Variants in CHODL observed in about 807,000 individuals in gnomAD.
CHODL encodes the protein transmembrane protein MT75.
In CHODL, 29 loss-of-function variants were observed where a neutral mutation model predicts 34.5. The observed-to-expected ratio is 0.84, with a 90% CI of 0.63 to 1.15. The LOEUF is 1.15. Ranked by LOEUF, CHODL falls within the 50% of genes most tolerant of loss-of-function variation. The pLI is 0.00. For missense variants in CHODL, 332 were observed against 332.5 expected (o/e 1.00, Z 0.01); for synonymous variants, 125 against 116.1 (o/e 1.08, Z -0.49).
chr21:17,925,418 G>C (rs1180939318), intron 1 of CHODL, among the ~76,000 whole-genome samples: 1 of 151,950 alleles, frequency 6.6e-6, no homozygotes, highest in Non-Finnish European at 1.5e-5. Context: ...TTCATGCTGA[G>C]TGTAAATTTG....
In CHODL at chr21:18,158,976, C is replaced by T. The variant is rs1472179925; in HGVS notation, c.-44-97533C>T. Among the ~76,000 whole-genome samples, 3 of 152,016 alleles carry T rather than the reference C, an allele frequency of 2.0e-5. No individual in the cohort carries two copies. The East Asian group carries it at 5.8e-4, about 29-fold the overall frequency. On this transcript the variant is annotated intron_variant, in intron 2 of 6. Transcript: ENST00000400127. ...CACAAGTAGATTCGGTTTTTACCAA[C>T]ATTTGACAGCACTTTCTGGTTTTTG...
chr21:18,032,815 G>T lies in CHODL; in HGVS notation c.-45+4844G>T, dbSNP rs541404608. On this transcript the variant is annotated intron_variant, in intron 2 of 6. Coordinates refer to the CHODL transcript ENST00000400127. ...GTAGTTTCACTCTATTGTTCACCTG[G>T]TGCTGATAGAACCTGGAAAGCAGTT... Among the ~76,000 whole-genome samples, 4 of 152,038 alleles carry T rather than the reference G, an allele frequency of 2.6e-5. No homozygotes were observed. In the South Asian group the frequency reaches 8.3e-4, roughly 31 times the overall value.
intron 1 of CHODL, among the ~76,000 whole-genome samples, chr21:17,957,320 T>C (rs917611961): frequency 2.6e-5 from 4 of 152,182 alleles, no homozygotes; most frequent in African/African-American, 9.7e-5. Context: ...AAATGAACAT[T>C]GGATTATATA....
At chr21:17,949,357 T>C (rs1460287645) in intron 1 of CHODL, among the ~76,000 whole-genome samples, 1 of 152,200 alleles carries the variant, frequency 6.6e-6, no homozygotes, top group Non-Finnish European at 1.5e-5. Context: ...TTTTCAGTTT[T>C]AAGTTACATG....
intron 2 of CHODL, among the ~76,000 whole-genome samples, chr21:18,120,985 G>A (rs889308928): frequency 4.0e-5 from 6 of 151,822 alleles, no homozygotes; most frequent in African/African-American, 1.2e-4. Context: ...TATAAGGCTC[G>A]GATTGCATTT....
intron 2 of CHODL, among the ~76,000 whole-genome samples, chr21:18,071,781 C>T (rs1200602284): frequency 6.6e-6 from 1 of 152,074 alleles, no homozygotes; most frequent in African/African-American, 2.4e-5. Context: ...ATAAATCATA[C>T]ATGCCTATAT....
chr21:18,175,686 C>T (rs2073299734), intron 2 of CHODL, among the ~76,000 whole-genome samples: 1 of 151,698 alleles, frequency 6.6e-6, no homozygotes. Flanking sequence ...AAATGGAATA[C>T]AGCTTGTAAC....
At chr21:17,945,543 A>C (rs1325274139) in intron 1 of CHODL, among the ~76,000 whole-genome samples, 1 of 152,198 alleles carries the variant, frequency 6.6e-6, no homozygotes, top group Non-Finnish European at 1.5e-5. Flanking sequence ...AGAACATTGA[A>C]ATTTTTCAGT....
chr21:18,081,911 T>C lies in CHODL; in HGVS notation c.-45+53940T>C, dbSNP rs141374151. On this transcript the variant is annotated intron_variant, in intron 2 of 6. Transcript: ENST00000400127. ...ACTTTTTCTGCATCTATTGAGATGA[T>C]CATTTGGTTTTTGTCCTCAACCCTG... 1.1e-4 allele frequency among the ~76,000 whole-genome samples: 17 copies of C among 152,328 alleles called. No individual in the cohort carries two copies. The East Asian group carries it at 3.1e-3, about 28-fold the overall frequency.
intron 1 of CHODL, among the ~76,000 whole-genome samples, chr21:17,995,132 G>C (rs1191047977): frequency 1.3e-5 from 2 of 152,130 alleles, no homozygotes; most frequent in Non-Finnish European, 2.9e-5. Context: ...AAGCTCCCAA[G>C]ATTTGGAAAT....
intron 1 of CHODL, among the ~76,000 whole-genome samples, chr21:18,247,657 T>C (rs2146785026): frequency 6.6e-6 from 1 of 152,222 alleles, no homozygotes; most frequent in Non-Finnish European, 1.5e-5. Context: ...GTGGTCATGA[T>C]TATTTTGATG....
At chr21:18,203,244 G>A (rs2146711972) in intron 2 of CHODL, among the ~76,000 whole-genome samples, 1 of 152,268 alleles carries the variant, frequency 6.6e-6, no homozygotes, top group Non-Finnish European at 1.5e-5. Context: ...AAGATCTGTA[G>A]GAACCATTTG....
intron 2 of CHODL, among the ~76,000 whole-genome samples, chr21:18,094,587 A>G (rs1362730217): frequency 6.6e-6 from 1 of 152,150 alleles, no homozygotes. Flanking sequence ...AAATTAAACA[A>G]TATGCTTCTG....
At chr21:18,246,656 T>C (rs2074145609) in intron 1 of CHODL, among the ~76,000 whole-genome samples, 1 of 152,202 alleles carries the variant, frequency 6.6e-6, no homozygotes, top group African/African-American at 2.4e-5. Flanking sequence ...TCAGAATTAT[T>C]CATGCAACTG....
At chr21:18,029,268 T>A (rs1302037633) in intron 2 of CHODL, among the ~76,000 whole-genome samples, 2 of 152,142 alleles carry the variant, frequency 1.3e-5, no homozygotes. Context: ...TATATATTGA[T>A]GTGGGGGATG....
chr21:18,175,646 A>G (rs1232111293), intron 2 of CHODL, among the ~76,000 whole-genome samples: 2 of 152,196 alleles, frequency 1.3e-5, no homozygotes, highest in Non-Finnish European at 1.5e-5. Context: ...TTATAATCAG[A>G]TAAAGGAGAC....
At chr21:18,216,150 T>C (rs2073825958) in intron 2 of CHODL, among the ~76,000 whole-genome samples, 1 of 152,126 alleles carries the variant, frequency 6.6e-6, no homozygotes, top group Non-Finnish European at 1.5e-5. Flanking sequence ...GTTGGATTGA[T>C]TGATACATAA....
At chr21:18,055,196 A>G (rs2064563917) in intron 2 of CHODL, among the ~76,000 whole-genome samples, 2 of 151,944 alleles carry the variant, frequency 1.3e-5, no homozygotes, top group Non-Finnish European at 1.5e-5. Flanking sequence ...GTTGGCAAAT[A>G]TGTAACTGGA....
At chr21:18,104,678 C>T (rs1479094410) in intron 2 of CHODL, among the ~76,000 whole-genome samples, 1 of 152,216 alleles carries the variant, frequency 6.6e-6, no homozygotes, top group Admixed American at 6.5e-5. Flanking sequence ...TACTCTACCA[C>T]TCTGAGCTTT....
Sources: allele counts gnomAD v4.1 joint callset (sites outside exome capture counted in the v4.1 genomes callset), GRCh38; gene constraint gnomAD v4.1.1; transcripts MANE v1.5; gene names NCBI Gene and HGNC (gene_info 2026-07-23, HGNC 2026-07-21).